Variants in CDKAL1 observed in about 807,000 individuals in gnomAD.
The protein encoded by CDKAL1 is threonylcarbamoyladenosine tRNA methylthiotransferase.
A neutral mutation model predicts 68.2 loss-of-function variants in CDKAL1; 32 were observed. The observed-to-expected ratio is 0.47, with a 90% CI of 0.35 to 0.63. The LOEUF (loss-of-function observed/expected upper bound fraction) is 0.63. Ranked by LOEUF, CDKAL1 falls within the 30% of genes least tolerant of loss-of-function variation. The pLI, the probability that CDKAL1 is intolerant of heterozygous loss-of-function variation, is 0.00. For synonymous variants in CDKAL1, 234 were observed against 244.3 expected (o/e 0.96, Z 0.39); for missense variants, 606 against 696.7 (o/e 0.87, Z 1.47).
chr6:20,549,952 G>C (rs915468552), intron 4 of CDKAL1, among the ~76,000 whole-genome samples: 1 of 151,154 alleles, frequency 6.6e-6, no homozygotes, highest in African/African-American at 2.4e-5. Flanking sequence ...AGGAAGAGCT[G>C]TCCATTCTTC....
At chr6:21,027,279 T>G (rs1272289316) in intron 11 of CDKAL1, among the ~76,000 whole-genome samples, 1 of 152,202 alleles carries the variant, frequency 6.6e-6, no homozygotes, top group Non-Finnish European at 1.5e-5. Flanking sequence ...ACTTCAAGTA[T>G]AATACTCCAA....
chr6:21,035,855 G>A (rs1302772477), intron 11 of CDKAL1, among the ~76,000 whole-genome samples: 1 of 152,090 alleles, frequency 6.6e-6, no homozygotes, highest in Non-Finnish European at 1.5e-5. Flanking sequence ...TTTTAACTGA[G>A]CATTTAGCAC....
chr6:20,921,795 G>A (rs1324044644), intron 9 of CDKAL1, among the ~76,000 whole-genome samples: 2 of 152,098 alleles, frequency 1.3e-5, no homozygotes, highest in African/African-American at 2.4e-5. Flanking sequence ...TTCCTACTTG[G>A]CCAAAACAGC....
chr6:20,557,759 T>C (rs1764115410), intron 4 of CDKAL1, among the ~76,000 whole-genome samples: 1 of 152,146 alleles, frequency 6.6e-6, no homozygotes, highest in African/African-American at 2.4e-5. Context: ...AAACCCCATC[T>C]CTACTAGAAA....
At chr6:20,853,038 G>A (rs554624148) in intron 9 of CDKAL1, among the ~76,000 whole-genome samples, 1 of 152,308 alleles carries the variant, frequency 6.6e-6, no homozygotes, top group African/African-American at 2.4e-5. Context: ...TAGCATGAAA[G>A]CAGCCACAGA....
intron 9 of CDKAL1, among the ~76,000 whole-genome samples, chr6:20,867,411 G>C (rs1759967502): frequency 6.6e-6 from 1 of 152,180 alleles, no homozygotes; most frequent in Non-Finnish European, 1.5e-5. Flanking sequence ...CATGTAAAAA[G>C]TGTGATTCAC....
At chr6:20,887,994 A>G (rs1486074240) in intron 9 of CDKAL1, among the ~76,000 whole-genome samples, 1 of 151,794 alleles carries the variant, frequency 6.6e-6, no homozygotes, top group Admixed American at 6.6e-5. Context: ...TTTAAATTAT[A>G]CTTTAAGTTC....
chr6:20,914,116 C>T (rs959984155), intron 9 of CDKAL1, among the ~76,000 whole-genome samples: 2 of 151,838 alleles, frequency 1.3e-5, no homozygotes, highest in South Asian at 2.1e-4. Context: ...AGTGAAACCC[C>T]GTCTCTACTA....
intron 4 of CDKAL1, among the ~76,000 whole-genome samples, chr6:20,605,708 A>G (rs553909181): frequency 6.6e-6 from 1 of 152,280 alleles, no homozygotes; most frequent in African/African-American, 2.4e-5. Flanking sequence ...TACTGAGGCA[A>G]GATCCTTCTG....
In CDKAL1 at chr6:20,739,503, C is replaced by T. The variant is rs1358172512; in HGVS notation, c.372-16C>T. ...TGAGCAAAGGAATTCACATTGTCTT[C>T]TCTTCAATCTTTTAGAAAAGCTCAA... On this transcript the variant is annotated splice_polypyrimidine_tract_variant and intron_variant, in intron 5 of 15. Transcript: ENST00000274695. 1.9e-6 allele frequency: 3 copies of T among 1,549,688 alleles called. No homozygotes were observed. Among genetic ancestry groups the T allele is most frequent in the Non-Finnish European group, 1.8e-6 (2 of 1,125,182 alleles).
In CDKAL1 at chr6:20,770,835, G is replaced by A. The variant is rs193013961; in HGVS notation, c.518-10310G>A. ...AGCAGGAAATCTAGGAAAAGGTACTGTGAAATAGATATAATCATGTATATA... is the reference window on the plus strand; with the variant it reads ...AGCAGGAAATCTAGGAAAAGGTACTATGAAATAGATATAATCATGTATATA... On this transcript the variant is annotated intron_variant, in intron 7 of 15. Transcript: ENST00000274695. Among the ~76,000 whole-genome samples the A allele has an allele frequency of 8.5e-3, 1,295 of 152,310 alleles. 6 individuals are homozygous for A. The highest frequency in any genetic ancestry group is 0.011 in the South Asian group (55 of 4,828).
At chr6:20,981,017 G>A (rs2150773957) in intron 10 of CDKAL1, among the ~76,000 whole-genome samples, 1 of 152,284 alleles carries the variant, frequency 6.6e-6, no homozygotes, top group East Asian at 1.9e-4. Context: ...GACTTCTGAG[G>A]GTTGGGTAGC....
chr6:21,009,288 GGAT>G, intron 11 of CDKAL1, among the ~76,000 whole-genome samples: 1 of 151,992 alleles, frequency 6.6e-6, no homozygotes, highest in East Asian at 1.9e-4. Flanking sequence ...GAAACAATAG[GGAT>G]GATAATTTTC....
At chr6:20,647,954 A>G (rs1181537517) in intron 4 of CDKAL1, among the ~76,000 whole-genome samples, 1 of 150,822 alleles carries the variant, frequency 6.6e-6, no homozygotes, top group Non-Finnish European at 1.5e-5. Context: ...GGGCGCCTGT[A>G]ATCCCAGCTA....
intron 5 of CDKAL1, among the ~76,000 whole-genome samples, chr6:20,676,325 T>G (rs1770094010): frequency 1.3e-5 from 2 of 152,156 alleles, no homozygotes; most frequent in Admixed American, 1.3e-4. Context: ...AGAGCAACTT[T>G]TAGTCCTGCA....
At chr6:20,668,615 ACTTCCCATGGAC>A (rs1769662079) in intron 5 of CDKAL1, among the ~76,000 whole-genome samples, 1 of 152,236 alleles carries the variant, frequency 6.6e-6, no homozygotes, top group African/African-American at 2.4e-5. Flanking sequence ...TAGTGCAAAG[ACTTCCCATGGAC>A]CTTTCACCCA....
At chr6:20,894,697 T>C (rs1211738566) in intron 9 of CDKAL1, among the ~76,000 whole-genome samples, 1 of 152,190 alleles carries the variant, frequency 6.6e-6, no homozygotes, top group Non-Finnish European at 1.5e-5. Context: ...TTCTAAACTT[T>C]AGTTTTTTAC....
At chr6:21,205,824 C>A (rs1195726814) in intron 15 of CDKAL1, among the ~76,000 whole-genome samples, 2 of 136,304 alleles carry the variant, frequency 1.5e-5, no homozygotes, top group Admixed American at 7.7e-5. Flanking sequence ...AGCCCCCGCG[C>A]CCAGCCTTTT....
intron 8 of CDKAL1, among the ~76,000 whole-genome samples, chr6:20,845,086 C>A (rs963214527): frequency 6.6e-6 from 1 of 152,180 alleles, no homozygotes; most frequent in African/African-American, 2.4e-5. Flanking sequence ...TACAGTGATT[C>A]ATATGTATCT....
Sources: allele counts gnomAD v4.1 joint callset (sites outside exome capture counted in the v4.1 genomes callset), GRCh38; gene constraint gnomAD v4.1.1; transcripts MANE v1.5; gene names NCBI Gene and HGNC (gene_info 2026-07-23, HGNC 2026-07-21).